TM9SF3: variants seen among roughly 807,000 people sequenced by gnomAD.
TM9SF3 encodes SM-11044-binding protein.
In TM9SF3, 14 loss-of-function variants were observed where a neutral mutation model predicts 78.6. The observed-to-expected ratio is 0.18, with a 90% confidence interval of 0.12 to 0.28. TM9SF3 has a LOEUF of 0.28. TM9SF3 is among the 10% of genes least tolerant of loss of function. The probability of loss-of-function intolerance (pLI) is 1.00; values close to 1 mark genes in which losing one functional copy is unlikely to be tolerated. For missense variants in TM9SF3, 496 were observed against 721.9 expected, an observed-to-expected ratio of 0.69 and a Z score of 3.59; for synonymous variants, 231 against 241.7, an observed-to-expected ratio of 0.96 and a Z score of 0.41.
At position 96,580,166 on chromosome 10, in the gene TM9SF3, T is replaced by C. The variant is rs765498527; in HGVS notation, c.103-3337A>G. ...CTACCGGCATTCTTCACCTACTTAT[T>C]TTCCAGCTCTCAGAAGAATCTCACT... On this transcript the variant is annotated intron_variant, in intron 1 of 14. Coordinates refer to ENST00000371142, the MANE Select transcript of TM9SF3 (RefSeq NM_020123.4). Among the ~76,000 whole-genome samples, 221 of 152,196 alleles carry C rather than the reference T, an allele frequency of 1.5e-3. 2 individuals are homozygous for C. The highest frequency in any genetic ancestry group is 2.8e-3 in the Non-Finnish European group (188 of 68,034).
At chr10:96,571,704 A>G (rs1045520191) in intron 2 of TM9SF3, among the ~76,000 whole-genome samples, 1 of 152,234 alleles carries the variant, frequency 6.6e-6, no homozygotes, top group Non-Finnish European at 1.5e-5. Flanking sequence ...TAAAGAAAAA[A>G]ATACTTGTAA....
intron 2 of TM9SF3, among the ~76,000 whole-genome samples, chr10:96,574,552 A>C (rs1464936573): frequency 6.6e-6 from 1 of 152,220 alleles, no homozygotes; most frequent in African/African-American, 2.4e-5. Flanking sequence ...ATACCATTTG[A>C]CCCAGCAATC....
At chr10:96,578,429 A>G (rs79248810) in intron 1 of TM9SF3, among the ~76,000 whole-genome samples, 7 of 152,234 alleles carry the variant, frequency 4.6e-5, no homozygotes, top group Non-Finnish European at 1.0e-4. Context: ...ACAATAAAGG[A>G]ATGATTAAAT....
chr10:96,533,130 G>A lies in TM9SF3; in HGVS notation c.1246C>T (p.Leu416Phe). Residue 416 changes from leucine to phenylalanine, a missense_variant, in exon 10 of 15, where the codon CTT becomes TTT. Physicochemically the swap from Leu to Phe is conservative, Grantham distance 22. This residue lies in a region of TM9SF3 where 280 missense variants were observed against 422.6 expected (regional missense o/e 0.66). Transcript: ENST00000371142. Reference sequence around the variant, plus strand: ...GGCTGACCTGACAGATTTCGGCCAAGTATTGTACCAACAAGATTTAGAGGA... The same window carrying A: ...GGCTGACCTGACAGATTTCGGCCAAATATTGTACCAACAAGATTTAGAGGA... The part of the protein sequence containing the change: ...ILPLNLVGTI[L>F]GRNLSGQPNF... The A allele has an allele frequency of 6.2e-7, 1 of 1,614,008 alleles. No homozygotes were observed. The highest frequency in any genetic ancestry group is 2.2e-5 in the East Asian group (1 of 44,864).
At chr10:96,584,885 A>G (rs181556348) in intron 1 of TM9SF3, among the ~76,000 whole-genome samples, 24 of 152,344 alleles carry the variant, frequency 1.6e-4, no homozygotes, top group Non-Finnish European at 3.1e-4. Flanking sequence ...GACATGAAGT[A>G]ATATGGATTC....
intron 2 of TM9SF3, among the ~76,000 whole-genome samples, chr10:96,571,967 T>C (rs991547297): frequency 1.2e-4 from 19 of 152,164 alleles, no homozygotes; most frequent in African/African-American, 4.6e-4. Flanking sequence ...TAACAACAAG[T>C]AGGCACAAAC....
rs540045073 is a variant in TM9SF3 at position 96,583,559 on chromosome 10, A to G, written c.102+3175T>C. Among the ~76,000 whole-genome samples the G allele has an allele frequency of 4.6e-5, 7 of 152,324 alleles. No individual in the cohort carries two copies. The South Asian group carries it at 1.0e-3, about 23-fold the overall frequency. ...GGGAATAGAGCATATGGCGGCTCACAGTGCAGAAGACTATCAACTCAGAAT... is the reference window on the plus strand; with the variant it reads ...GGGAATAGAGCATATGGCGGCTCACGGTGCAGAAGACTATCAACTCAGAAT... On this transcript the variant is annotated intron_variant, in intron 1 of 14. Transcript: ENST00000371142.
At chr10:96,559,876 A>C in intron 4 of TM9SF3, 140 bp from the exon 5 acceptor site, 2 of 581,374 alleles carry the variant, frequency 3.4e-6, no homozygotes, top group Non-Finnish European at 6.0e-6. Flanking sequence ...TACTTACAAC[A>C]TGAGAAGTGG....
chr10:96,526,291 C>A lies in TM9SF3; in HGVS notation c.1702+922G>T, dbSNP rs532281709. 2.6e-5 allele frequency among the ~76,000 whole-genome samples: 4 copies of A among 152,194 alleles called. No individual in the cohort carries two copies. The East Asian group carries it at 7.7e-4, about 29-fold the overall frequency. ...TTACTACCTAATAACAGTCCCAACA[C>A]TACACTTGGTGCTTTACACACATGA... On this transcript the variant is annotated intron_variant, in intron 14 of 14. Coordinates refer to ENST00000371142, the MANE Select transcript of TM9SF3 (RefSeq NM_020123.4).
intron 2 of TM9SF3, 72 bp from the exon 3 acceptor site, chr10:96,565,498 G>T: frequency 7.0e-7 from 1 of 1,429,192 alleles, no homozygotes; most frequent in Non-Finnish European, 9.2e-7. Flanking sequence ...AAAAAGACAA[G>T]AAAAAAGCCA....
chr10:96,536,008 A>G (rs1401507310), intron 9 of TM9SF3, among the ~76,000 whole-genome samples: 5 of 152,246 alleles, frequency 3.3e-5, no homozygotes, highest in Non-Finnish European at 7.4e-5. Context: ...CTGATTAAAG[A>G]TTAGAAAATT....
At chr10:96,534,696 T>C (rs1336148528) in intron 9 of TM9SF3, among the ~76,000 whole-genome samples, 3 of 152,198 alleles carry the variant, frequency 2.0e-5, no homozygotes, top group Non-Finnish European at 4.4e-5. Context: ...ACTGAAGAGC[T>C]TCTGGGATTC....
intron 5 of TM9SF3, among the ~76,000 whole-genome samples, chr10:96,555,264 C>G (rs7086240): frequency 0.21 from 31,241 of 151,928 alleles, 3,567 homozygotes; most frequent in Admixed American, 0.31. Context: ...TTCCAATAAG[C>G]CTTATCCCTC....
intron 9 of TM9SF3, among the ~76,000 whole-genome samples, chr10:96,538,378 T>C (rs1448734433): frequency 6.6e-6 from 1 of 152,068 alleles, no homozygotes; most frequent in African/African-American, 2.4e-5. Context: ...TATATAAAAT[T>C]GGCCAAAAAT....
chr10:96,576,515 A>G, intron 2 of TM9SF3, 119 bp downstream of exon 2: 1 of 931,410 alleles, frequency 1.1e-6, no homozygotes, highest in Non-Finnish European at 1.5e-6. Context: ...ACATCCTAAC[A>G]TGTACATAAC....
intron 1 of TM9SF3, among the ~76,000 whole-genome samples, chr10:96,579,751 T>C (rs1220422734): frequency 6.6e-6 from 1 of 152,244 alleles, no homozygotes; most frequent in Non-Finnish European, 1.5e-5. Context: ...CTCCTTACTA[T>C]GCAGACTGTG....
chr10:96,542,545 A>C (rs1359471456), intron 9 of TM9SF3, among the ~76,000 whole-genome samples: 1 of 152,232 alleles, frequency 6.6e-6, no homozygotes. Flanking sequence ...AGCAACTTTG[A>C]AATACCATTT....
chr10:96,568,374 GA>G (rs1848402554), intron 2 of TM9SF3, among the ~76,000 whole-genome samples: 1 of 152,174 alleles, frequency 6.6e-6, no homozygotes, highest in Non-Finnish European at 1.5e-5. Flanking sequence ...CATGAATTCT[GA>G]AAAAGATGCA....
intron 2 of TM9SF3, among the ~76,000 whole-genome samples, chr10:96,568,974 G>A (rs779750972): frequency 6.6e-6 from 1 of 152,078 alleles, no homozygotes; most frequent in Non-Finnish European, 1.5e-5. Flanking sequence ...GATCCCCTGA[G>A]CCCAGGAGTT....
Sources: allele counts gnomAD v4.1 joint callset (sites outside exome capture counted in the v4.1 genomes callset), GRCh38; gene constraint gnomAD v4.1.1; regional missense constraint gnomAD v4.1.1; transcripts MANE v1.5; gene names NCBI Gene and HGNC (gene_info 2026-07-23, HGNC 2026-07-21).